The following GRIK4 variants were observed in gnomAD, a reference collection of about 807,000 sequenced individuals.
GRIK4 encodes the protein glutamate receptor ionotropic, kainate 4.
GRIK4 carries 40 observed loss-of-function variants against 104.9 expected under a neutral mutation model. The ratio of observed to expected loss-of-function variants is 0.38; its 90% confidence interval spans 0.30 to 0.50. The LOEUF (loss-of-function observed/expected upper bound fraction) is 0.50, where lower values mean the gene tolerates loss of function less well. GRIK4 is among the 20% of genes least tolerant of loss of function. GRIK4 has a pLI of 0.93. For missense variants in GRIK4, 1,047 were observed against 1,308.1 expected (o/e 0.80, Z 3.08); for synonymous variants, 485 against 524.9 (o/e 0.92, Z 1.04).
At chr11:120,758,817 C>T (rs1015319966) in intron 3 of GRIK4, among the ~76,000 whole-genome samples, 5 of 152,146 alleles carry the variant, frequency 3.3e-5, no homozygotes, top group African/African-American at 4.8e-5. Flanking sequence ...CTACCAACTT[C>T]TCAAGGGACA....
Position 120,535,954 on chromosome 11 carries a change from G to A in GRIK4, c.-159+24067G>A, listed in dbSNP as rs1798050861. Among the ~76,000 whole-genome samples, 2 of 152,168 alleles carry A rather than the reference G, an allele frequency of 1.3e-5. 1 individual carries two copies. Among genetic ancestry groups the A allele is most frequent in the South Asian group, 4.1e-4 (2 of 4,830 alleles). On this transcript the variant is annotated intron_variant, in intron 1 of 20. Coordinates refer to ENST00000527524, the MANE Select transcript of GRIK4 (RefSeq NM_014619.5). ...CAACACGCTTCACTGGTTCCTCCTG[G>A]CCATCTCGCTGCATGTATCTCATGC...
chr11:120,785,720 T>C (rs951139903), intron 3 of GRIK4, among the ~76,000 whole-genome samples: 1 of 152,104 alleles, frequency 6.6e-6, no homozygotes, highest in Non-Finnish European at 1.5e-5. Context: ...GCACTTGGGG[T>C]GTTTCCGGTT....
chr11:120,610,807 C>G (rs1949027421), intron 1 of GRIK4, among the ~76,000 whole-genome samples: 1 of 152,084 alleles, frequency 6.6e-6, no homozygotes, highest in South Asian at 2.1e-4. Context: ...CTAGGGAGGT[C>G]CCCCTCCCCA....
chr11:120,647,708 T>C (rs184149016), intron 1 of GRIK4, among the ~76,000 whole-genome samples: 559 of 152,384 alleles, frequency 3.7e-3, no homozygotes, highest in Non-Finnish European at 6.2e-3. Flanking sequence ...AGGGACATTT[T>C]TCTGCCTGCC....
At chr11:120,605,489 G>A (rs907189124) in intron 1 of GRIK4, among the ~76,000 whole-genome samples, 1 of 152,230 alleles carries the variant, frequency 6.6e-6, no homozygotes, top group Non-Finnish European at 1.5e-5. Context: ...GAAGCAGTGT[G>A]ACAGCCATCA....
In GRIK4 at chr11:120,787,852, C is replaced by CTTTTTTTTTTTTTTTTTTTTTTTTT. The variant is rs58523604; in HGVS notation, c.83-14836_83-14812dup. 2.5e-4 allele frequency among the ~76,000 whole-genome samples: 19 copies of CTTTTTTTTTTTTTTTTTTTTTTTTT among 77,110 alleles called. 4 individuals are homozygous for CTTTTTTTTTTTTTTTTTTTTTTTTT. Among genetic ancestry groups the CTTTTTTTTTTTTTTTTTTTTTTTTT allele is most frequent in the African/African-American group, 8.0e-4 (13 of 16,210 alleles). 50.6% of individuals were successfully genotyped at this position (77,110 alleles called of 152,430 possible). On this transcript the variant is annotated intron_variant, in intron 3 of 20. Coordinates refer to ENST00000527524, the MANE Select transcript of GRIK4 (RefSeq NM_014619.5). ...TTTCTTCTCTTTTTTCTTTTCTTTTCTTTTTTTTTTTTTTTTTTTTTTTTT... is the reference window on the plus strand; with the variant it reads ...TTTCTTCTCTTTTTTCTTTTCTTTTCTTTTTTTTTTTTTTTTTTTTTTTTTTTTTTTTTTTTTTTTTTTTTTTTTT...
chr11:120,660,027 T>G (rs1233226649), intron 2 of GRIK4, among the ~76,000 whole-genome samples: 1 of 152,204 alleles, frequency 6.6e-6, no homozygotes, highest in African/African-American at 2.4e-5. Context: ...CCACTGTGCC[T>G]GGCTGCGAGC....
chr11:120,852,808 G>A (rs1366445437), intron 8 of GRIK4, among the ~76,000 whole-genome samples: 1 of 152,184 alleles, frequency 6.6e-6, no homozygotes, highest in Admixed American at 6.5e-5. Flanking sequence ...TTGGACTTCT[G>A]GTGGCTCCAG....
intron 11 of GRIK4, among the ~76,000 whole-genome samples, chr11:120,888,079 T>C (rs1022985643): frequency 1.3e-5 from 2 of 152,184 alleles, no homozygotes; most frequent in African/African-American, 4.8e-5. Context: ...ACGTATCCTC[T>C]TCTAAATATG....
At chr11:120,812,234 C>G (rs1217357650) in intron 4 of GRIK4, among the ~76,000 whole-genome samples, 1 of 152,088 alleles carries the variant, frequency 6.6e-6, no homozygotes, top group African/African-American at 2.4e-5. Flanking sequence ...AAGAAAGAGG[C>G]CAGGATGACT....
chr11:120,528,075 C>T (rs1947879037), intron 1 of GRIK4, among the ~76,000 whole-genome samples: 2 of 152,244 alleles, frequency 1.3e-5, no homozygotes, highest in Admixed American at 1.3e-4. Context: ...CCGGTCCTCC[C>T]ACCTCAGCCT....
At chr11:120,983,006 G>A (rs535046771) in intron 20 of GRIK4, among the ~76,000 whole-genome samples, 3 of 152,044 alleles carry the variant, frequency 2.0e-5, no homozygotes, top group Non-Finnish European at 2.9e-5. Context: ...TTCTGCATGC[G>A]TAGAGCTTCA....
chr11:120,579,390 G>T (rs951701719), intron 1 of GRIK4, among the ~76,000 whole-genome samples: 5 of 152,166 alleles, frequency 3.3e-5, no homozygotes, highest in African/African-American at 1.2e-4. Context: ...GAACAAGGCG[G>T]TAGCAAGGTG....
chr11:120,580,025 T>C (rs1319966631), intron 1 of GRIK4, among the ~76,000 whole-genome samples: 1 of 152,174 alleles, frequency 6.6e-6, no homozygotes, highest in Non-Finnish European at 1.5e-5. Flanking sequence ...GTATTTGAGA[T>C]TTATCCATGT....
chr11:120,848,138 A>G (rs1198465351), intron 8 of GRIK4, among the ~76,000 whole-genome samples: 2 of 152,166 alleles, frequency 1.3e-5, no homozygotes, highest in African/African-American at 4.8e-5. Flanking sequence ...TGGAGGAGGA[A>G]TGCTGCAGGG....
Position 120,694,361 on chromosome 11 carries a change from G to A in GRIK4, c.82+33961G>A, listed in dbSNP as rs141370686. On this transcript the variant is annotated intron_variant, in intron 3 of 20. Coordinates refer to ENST00000527524, the MANE Select transcript of GRIK4 (RefSeq NM_014619.5). ...CTCTCAGCCTTGGAGGCCCTCATCT[G>A]TAGAATGAGATGATCAGAACAGATC... 3.3e-4 allele frequency among the ~76,000 whole-genome samples: 50 copies of A among 152,326 alleles called. 1 individual carries two copies. The highest frequency in any genetic ancestry group is 1.1e-3 in the African/African-American group (46 of 41,578).
At chr11:120,984,191 G>A (rs1244169810) in intron 20 of GRIK4, among the ~76,000 whole-genome samples, 4 of 152,230 alleles carry the variant, frequency 2.6e-5, no homozygotes, top group African/African-American at 7.2e-5. Flanking sequence ...TAAAGAGTCA[G>A]TGCTATGTTA....
intron 13 of GRIK4, among the ~76,000 whole-genome samples, chr11:120,929,608 C>G (rs1178982413): frequency 6.6e-6 from 1 of 152,198 alleles, no homozygotes; most frequent in East Asian, 1.9e-4. Flanking sequence ...GAAGCAGCTC[C>G]GTGGAGCCAG....
At position 120,807,545 on chromosome 11, in the gene GRIK4, A is replaced by C. The variant is rs547291276; in HGVS notation, c.247+4688A>C. 2.6e-5 allele frequency among the ~76,000 whole-genome samples: 4 copies of C among 152,260 alleles called. No individual in the cohort carries two copies. The South Asian group carries it at 8.3e-4, about 32-fold the overall frequency. ...GGCTGCACCTCCTGCACAGGCTTCC[A>C]AGCTTCTCACAGGCTCCACGAGCAT... On this transcript the variant is annotated intron_variant, in intron 4 of 20. Coordinates refer to ENST00000527524, the MANE Select transcript of GRIK4 (RefSeq NM_014619.5).
Sources: allele counts gnomAD v4.1 joint callset (sites outside exome capture counted in the v4.1 genomes callset), GRCh38; gene constraint gnomAD v4.1.1; transcripts MANE v1.5; gene names NCBI Gene and HGNC (gene_info 2026-07-23, HGNC 2026-07-21).